The following PHF8 variants were observed in gnomAD, a reference collection of about 807,000 sequenced individuals.
The protein encoded by PHF8 is histone lysine demethylase PHF8.
Under a neutral mutation model 74.4 loss-of-function variants are expected in PHF8, and 9 were observed. The ratio of observed to expected loss-of-function variants is 0.12; its 90% confidence interval spans 0.07 to 0.21. The LOEUF (loss-of-function observed/expected upper bound fraction) is 0.21, where lower values mean the gene tolerates loss of function less well. Ranked by LOEUF, PHF8 falls within the 10% of genes least tolerant of loss-of-function variation. The pLI is 1.00. For missense variants in PHF8, 478 were observed against 816.6 expected (o/e 0.59, Z 5.05); for synonymous variants, 311 against 316.6 (o/e 0.98, Z 0.19).
chrX:53,964,130 A>G (rs1474606918), intron 18 of PHF8, among the ~76,000 whole-genome samples: 1 of 111,369 alleles, frequency 9.0e-6, no homozygotes, highest in African/African-American at 3.3e-5. Flanking sequence ...AAACTAACAC[A>G]GGACAGAAAA....
At chrX:53,943,934 A>G (rs2064792153) in intron 20 of PHF8, among the ~76,000 whole-genome samples, 200 bp downstream of exon 20, 1 of 112,150 alleles carries the variant, frequency 8.9e-6, no homozygotes, top group Admixed American at 9.4e-5. Flanking sequence ...TCAACTGTGT[A>G]ACCTGTGGAA....
Position 54,022,355 on chromosome X carries a change from C to T in PHF8, c.197G>A (p.Arg66His), listed in dbSNP as rs1557110261. The change falls in exon 4 of 22, where the codon CGT (arginine) becomes CAT (histidine). Residue 66 changes from arginine (R) to histidine (H), a missense_variant. By Grantham distance (29) the Arg-to-His change is conservative. This residue lies in a region of PHF8 where 28 missense variants were observed against 33.4 expected (regional missense o/e 0.84). Coordinates refer to ENST00000338154, the MANE Select transcript of PHF8 (RefSeq NM_015107.3). The part of the protein sequence containing the change: ...LHGPSIMKKR[R>H]GSSKGHDTHK... ...TGTATCATGCCCCTTTGAAGATCCA[C>T]GGCGTTTTTTCACTAAGCCAGAAAA... 4.2e-6 allele frequency: 5 copies of T among 1,192,318 alleles called. No homozygotes were observed. The East Asian group carries it at 8.9e-5, about 21-fold the overall frequency.
intron 13 of PHF8, 108 bp downstream of exon 13, chrX:53,993,493 G>A: frequency 4.9e-6 from 3 of 615,952 alleles, no homozygotes; most frequent in Non-Finnish European, 8.0e-6. Flanking sequence ...CCAAACAGCA[G>A]GGGGTCTAAG....
At chrX:53,970,994 A>T (rs1378783946) in intron 18 of PHF8, among the ~76,000 whole-genome samples, 4 of 111,679 alleles carry the variant, frequency 3.6e-5, no homozygotes, top group Admixed American at 2.9e-4. Flanking sequence ...GATCAAGTGG[A>T]CCTGATAGAT....
At chrX:54,036,841 A>T (rs2066468528) in intron 2 of PHF8, among the ~76,000 whole-genome samples, 1 of 108,200 alleles carries the variant, frequency 9.2e-6, no homozygotes, top group South Asian at 4.0e-4. Flanking sequence ...TCTATTAAAA[A>T]TACAAAAAAT....
intron 6 of PHF8, among the ~76,000 whole-genome samples, chrX:54,015,235 A>C (rs1418186332): frequency 9.0e-6 from 1 of 111,443 alleles, no homozygotes; most frequent in African/African-American, 3.3e-5. Context: ...AAGTATAAAC[A>C]AACAAATACA....
chrX:53,965,271 T>C (rs1209258811), intron 18 of PHF8, among the ~76,000 whole-genome samples: 3 of 112,131 alleles, frequency 2.7e-5, no homozygotes, highest in Non-Finnish European at 5.6e-5. Flanking sequence ...GTCCCTCCAC[T>C]GAAACAACCA....
At position 53,995,804 on chromosome X, in the gene PHF8, G is replaced by A. The variant is rs782286136; in HGVS notation, c.1234-22C>T. ...GAGCCTGTCAAACAAGAGGCATGAGGAATAAACCCACACATAAAGAGACAA... is the reference window on the plus strand; with the variant it reads ...GAGCCTGTCAAACAAGAGGCATGAGAAATAAACCCACACATAAAGAGACAA... On this transcript the variant is annotated intron_variant, in intron 11 of 21. Coordinates refer to ENST00000338154, the MANE Select transcript of PHF8 (RefSeq NM_015107.3). The A allele has an allele frequency of 5.9e-6, 6 of 1,010,256 alleles. No homozygotes were observed. In the Admixed American group the frequency reaches 8.9e-5, roughly 15 times the overall value. 83.3% of individuals were successfully genotyped at this position (1,010,256 alleles called of 1,213,427 possible).
chrX:53,938,851 A>T lies in PHF8; in HGVS notation c.*307T>A. 3 of 862,473 alleles carry T rather than the reference A, an allele frequency of 3.5e-6. No individual in the cohort carries two copies. Among genetic ancestry groups the T allele is most frequent in the Non-Finnish European group, 4.2e-6 (3 of 708,045 alleles). The allele number at this position is 862,473 out of a possible 1,213,427, so 71.1% of individuals were successfully genotyped here. On this transcript the variant is annotated 3_prime_UTR_variant, in exon 22 of 22. Transcript: ENST00000338154. ...TTCCAGCTCTAGCGGGGGATGAAGA[A>T]TAAAGAACAGACAAGGCAGGTGACG...
chrX:53,988,844 G>A (rs1292927936), intron 14 of PHF8, among the ~76,000 whole-genome samples: 1 of 110,101 alleles, frequency 9.1e-6, no homozygotes, highest in Non-Finnish European at 1.9e-5. Flanking sequence ...CACAAAAATG[G>A]TAAGTATGTG....
At chrX:54,015,849 T>C (rs1174927443) in intron 6 of PHF8, among the ~76,000 whole-genome samples, 1 of 111,292 alleles carries the variant, frequency 9.0e-6, no homozygotes, top group Non-Finnish European at 1.9e-5. Context: ...ACTGTGTGTG[T>C]GAGTCCAGAT....
intron 19 of PHF8, among the ~76,000 whole-genome samples, chrX:53,951,541 C>T (rs782457797): frequency 9.1e-6 from 1 of 110,441 alleles, no homozygotes; most frequent in African/African-American, 3.3e-5. Context: ...AGCTCTGCCG[C>T]CAGGGTTAAC....
In PHF8 at chrX:53,995,785, G is replaced by A. The variant is rs782555921; in HGVS notation, c.1234-3C>T. The stretch of plus-strand genomic sequence containing the variant: ...TCATCCTCATGGTCTGGCAGAGCCT[G>A]TCAAACAAGAGGCATGAGGAATAAA... On this transcript the variant is annotated splice_polypyrimidine_tract_variant and splice_region_variant and intron_variant, in intron 11 of 21. Transcript: ENST00000338154. 10 of 1,148,777 alleles carry A rather than the reference G, an allele frequency of 8.7e-6. No individual in the cohort carries two copies. The South Asian group carries it at 1.5e-4, about 17-fold the overall frequency. 94.7% of individuals were successfully genotyped at this position (1,148,777 alleles called of 1,213,427 possible). A position where few individuals can be genotyped will look rare whatever the true frequency, so the allele number is the denominator to read the frequency against.
Position 53,955,460 on chromosome X carries a change from G to A in PHF8, c.2539+7384C>T, listed in dbSNP as rs1017643752. On this transcript the variant is annotated intron_variant, in intron 19 of 21. Transcript: ENST00000338154. Reference sequence around the variant, plus strand: ...AATATTTGTTAAACATCTCCTACAGGCCAGGCACTAGGCAAAGTGCTACAG... The same window carrying A: ...AATATTTGTTAAACATCTCCTACAGACCAGGCACTAGGCAAAGTGCTACAG... 4.6e-5 allele frequency among the ~76,000 whole-genome samples: 5 copies of A among 109,225 alleles called. No homozygotes were observed. In the Admixed American group the frequency reaches 5.0e-4, roughly 11 times the overall value. The allele number at this position is 109,225 out of a possible 115,157, so 94.8% of individuals were successfully genotyped here.
At chrX:54,044,547 C>A (rs1335986163), upstream of PHF8, 2 of 349,193 alleles carry the variant, frequency 5.7e-6, no homozygotes, top group Non-Finnish European at 7.4e-6. Flanking sequence ...GGGGCGCCAC[C>A]TTGAGAAAGG....
At chrX:53,996,915 A>C (rs1557103093) in intron 11 of PHF8, among the ~76,000 whole-genome samples, 2 of 112,542 alleles carry the variant, frequency 1.8e-5, no homozygotes, top group Admixed American at 9.4e-5. Context: ...TTTCTTAGAT[A>C]GGACATAAGC....
At chrX:53,992,625 C>T in intron 14 of PHF8, 111 bp downstream of exon 14, 1 of 520,996 alleles carries the variant, frequency 1.9e-6, no homozygotes, top group East Asian at 3.6e-5. Flanking sequence ...GCCCTAAGTA[C>T]AGTCCCTCCT....
intron 2 of PHF8, among the ~76,000 whole-genome samples, chrX:54,034,823 C>CAAA (rs1235099588): frequency 5.7e-5 from 1 of 17,592 alleles, no homozygotes; most frequent in African/African-American, 1.7e-4. Flanking sequence ...GACTTCGTCT[C>CAAA]AAAAAAAAAA....
At chrX:54,011,853 A>G (rs192774532) in intron 7 of PHF8, among the ~76,000 whole-genome samples, 4,440 of 104,412 alleles carry the variant, frequency 0.043, 130 homozygotes, top group Non-Finnish European at 0.066. Flanking sequence ...CACCAGAAAG[A>G]TAATTTGGCA....
Sources: gnomAD v4.1 joint callset for allele counts (sites outside exome capture counted in the v4.1 genomes callset) on GRCh38, gnomAD v4.1.1 for gene constraint, gnomAD v4.1.1 regional missense constraint, MANE v1.5 for transcripts, NCBI Gene and HGNC (gene_info 2026-07-23, HGNC 2026-07-21) for gene names.